The following NEK2 variants were observed in gnomAD, a reference collection of about 807,000 sequenced individuals.
NEK2 encodes the protein serine/threonine-protein kinase Nek2.
Under a neutral mutation model 54.1 loss-of-function variants are expected in NEK2, and 28 were observed. The observed-to-expected ratio is 0.52, with a 90% CI of 0.38 to 0.71. The LOEUF is 0.71. Ranked by LOEUF, NEK2 falls within the 30% of genes least tolerant of loss-of-function variation. The pLI is 0.00. For missense variants in NEK2, 407 were observed against 531.5 expected (o/e 0.77, Z 2.30); for synonymous variants, 176 against 193.1 (o/e 0.91, Z 0.73).
At position 211,675,470 on chromosome 1, in the gene NEK2, G is replaced by C; in HGVS notation, c.10C>G (p.Arg4Gly). The change falls in exon 1 of 8, where the codon CGG (arginine) becomes GGG (glycine). Residue 4 changes from arginine (R) to glycine (G), a missense_variant. Coordinates refer to ENST00000366999, the MANE Select transcript of NEK2 (RefSeq NM_002497.4). ...TACAACACTTCATAGTCCTCAGCCC[G>C]GGAAGGCATGGCCGGCCAGTCGCCA... MPS[R>G]AEDYEVLYTI... 1 of 1,612,936 alleles carries C rather than the reference G, an allele frequency of 6.2e-7. No homozygotes were observed. The highest frequency in any genetic ancestry group is 8.5e-7 in the Non-Finnish European group (1 of 1,179,578).
rs779409309 is a variant in NEK2, at chr1:211,663,645, A to G, written c.1119T>C (p.Leu373=). The G allele has an allele frequency of 7.4e-6, 12 of 1,613,390 alleles. No homozygotes were observed. The highest frequency in any genetic ancestry group is 8.5e-6 in the Non-Finnish European group (10 of 1,179,724). ...TCTTAATTACTGAGGATGGAAGATTAAGAAGTTCTTTAGAAGGAAAAAGAA... is the reference window on the plus strand; with the variant it reads ...TCTTAATTACTGAGGATGGAAGATTGAGAAGTTCTTTAGAAGGAAAAAGAA... The part of the protein sequence containing the change: ...FLSLASNPEL[L]NLPSSVIKKK... The change falls in exon 8 of 8, where the codon CTT becomes CTC. Residue 373 remains leucine (L), a synonymous_variant. Transcript: ENST00000366999.
downstream of NEK2, chr1:211,660,726 G>T (rs542514159): frequency 2.9e-6 from 2 of 679,982 alleles, no homozygotes; most frequent in South Asian, 2.9e-5. Context: ...GGGGTGCTGT[G>T]ATGGGGTCCA....
Position 211,671,182 on chromosome 1 carries a change from T to C in NEK2, c.638+20A>G, listed in dbSNP as rs1277978047. 1 of 1,582,866 alleles carries C rather than the reference T, an allele frequency of 6.3e-7. No homozygotes were observed. The highest frequency in any genetic ancestry group is 8.7e-7 in the Non-Finnish European group (1 of 1,152,476). ...AACAGTACAAACCTTAGACTAGGAA[T>C]CTGTCTTCATCATACTTACATTAAT... On this transcript the variant is annotated intron_variant, in intron 4 of 7. Coordinates refer to ENST00000366999, the MANE Select transcript of NEK2 (RefSeq NM_002497.4).
At chr1:211,669,644 T>A (rs1655302391) in intron 5 of NEK2, 3 of 338,480 alleles carry the variant, frequency 8.9e-6, no homozygotes, top group Non-Finnish European at 1.6e-5. Context: ...GGGTCTGTTT[T>A]AGGGGAAGTA....
Position 211,675,568 on chromosome 1 carries a change from A to G in NEK2, c.-89T>C. 1 of 1,093,918 alleles carries G rather than the reference A, an allele frequency of 9.1e-7. No individual in the cohort carries two copies. The highest frequency in any genetic ancestry group is 1.4e-6 in the Non-Finnish European group (1 of 721,588). The allele number at this position is 1,093,918 out of a possible 1,614,324, so 67.8% of individuals were successfully genotyped here. On this transcript the variant is annotated 5_prime_UTR_variant, in exon 1 of 8. Transcript: ENST00000366999. ...GGGACCAGGAACTCCAGGGACCTGG[A>G]TGGAGAAGCCCCCGAGCAGCACTGA...
chr1:211,663,053 C>T lies in NEK2; in HGVS notation c.*373G>A, dbSNP rs1355323428. 9.9e-7 allele frequency: 1 copy of T among 1,008,110 alleles called. No individual in the cohort carries two copies. Among genetic ancestry groups the T allele is most frequent in the Non-Finnish European group, 1.2e-6 (1 of 843,010 alleles). The allele number at this position is 1,008,110 out of a possible 1,614,324, so 62.4% of individuals were successfully genotyped here. ...AGACATGACAATTGTAAGCATACCA[C>T]TCAGTCATTTAAAACTATTCAGTGA... On this transcript the variant is annotated 3_prime_UTR_variant, in exon 8 of 8. Coordinates refer to ENST00000366999, the MANE Select transcript of NEK2 (RefSeq NM_002497.4).
At chr1:211,671,081 G>A in intron 4 of NEK2, 121 bp downstream of exon 4, 1 of 730,188 alleles carries the variant, frequency 1.4e-6, no homozygotes, top group Non-Finnish European at 2.4e-6. Context: ...TTTTACCCAG[G>A]GTACAATTCT....
rs1369332808 is a variant in NEK2 at position 211,667,106 on chromosome 1, CT to C, written c.1110del (p.Glu371AsnfsTer9). The stretch of plus-strand genomic sequence containing the variant: ...CTGTTGACCAAGTTGATTCTCATAC[CT>C]GGATTACTTGCCAGAGACAGGAACT... ...ERKFLSLASN[P>X]ELLNLPSSVI... On this transcript the variant is annotated frameshift_variant and splice_region_variant, in exon 7 of 8. Coordinates refer to ENST00000366999, the MANE Select transcript of NEK2 (RefSeq NM_002497.4). LOFTEE classifies it high-confidence loss of function. 4 of 1,613,664 alleles carry C rather than the reference CT, an allele frequency of 2.5e-6. No individual in the cohort carries two copies. The highest frequency in any genetic ancestry group is 8.5e-7 in the Non-Finnish European group (1 of 1,179,920).
At chr1:211,659,966 C>A (rs1654975513), downstream of NEK2, among the ~76,000 whole-genome samples, 2 of 152,234 alleles carry the variant, frequency 1.3e-5, no homozygotes, top group Admixed American at 6.5e-5. Context: ...GGACCACAGG[C>A]ACACGCCACA....
At chr1:211,664,441 A>G (rs1655113340) in intron 7 of NEK2, among the ~76,000 whole-genome samples, 1 of 152,188 alleles carries the variant, frequency 6.6e-6, no homozygotes, top group South Asian at 2.1e-4. Context: ...GAGATAAACC[A>G]AACACAAACA....
intron 3 of NEK2, among the ~76,000 whole-genome samples, chr1:211,673,251 A>G (rs2102446860): frequency 6.6e-6 from 1 of 152,078 alleles, no homozygotes. Context: ...TCTACTAAAC[A>G]TACAAAAATT....
chr1:211,666,174 G>A (rs925082510), intron 7 of NEK2, among the ~76,000 whole-genome samples: 1 of 152,148 alleles, frequency 6.6e-6, no homozygotes, highest in Non-Finnish European at 1.5e-5. Flanking sequence ...ACATCTCAGT[G>A]CGGCAGAGTG....
downstream of NEK2, among the ~76,000 whole-genome samples, chr1:211,659,356 T>A (rs925573477): frequency 6.6e-6 from 1 of 152,234 alleles, no homozygotes; most frequent in Admixed American, 6.5e-5. Context: ...TCTTGCATCA[T>A]GAGGAATAGC....
At chr1:211,661,582 T>C (rs1185623590), downstream of NEK2, among the ~76,000 whole-genome samples, 3 of 152,208 alleles carry the variant, frequency 2.0e-5, no homozygotes, top group South Asian at 2.1e-4. Flanking sequence ...GCATGAATCA[T>C]GTATAGTTGA....
At chr1:211,660,822 C>T (rs541046391), downstream of NEK2, 5 of 706,018 alleles carry the variant, frequency 7.1e-6, no homozygotes, top group African/African-American at 7.0e-5. Flanking sequence ...AACAACAGAG[C>T]TTCAGCAGGC....
intron 7 of NEK2, among the ~76,000 whole-genome samples, chr1:211,665,992 G>A (rs1013666435): frequency 6.6e-6 from 1 of 152,198 alleles, no homozygotes; most frequent in Non-Finnish European, 1.5e-5. Flanking sequence ...AAATTCAGAT[G>A]CTCGATTTTT....
Position 211,673,577 on chromosome 1 carries a change from T to G in NEK2, c.461A>C (p.Asn154Thr), listed in dbSNP as rs1183594225. The G allele has an allele frequency of 1.9e-6, 3 of 1,613,982 alleles. No individual in the cohort carries two copies. Among genetic ancestry groups the G allele is most frequent in the Admixed American group, 1.7e-5 (1 of 59,996 alleles). ...TAGCCCAAAGTCTCCAAGCTTGACG[T>G]TTTGCTTGCCATCCAGGAAAACATT... ...PANVFLDGKQ[N>T]VKLGDFGLAR... Residue 154 changes from asparagine (N) to threonine (T), a missense_variant, in exon 3 of 8, where the codon AAC becomes ACC. Asn to Thr is a moderately conservative substitution (Grantham distance 65). Coordinates refer to ENST00000366999, the MANE Select transcript of NEK2 (RefSeq NM_002497.4).
chr1:211,661,510 C>A (rs900643565), downstream of NEK2, among the ~76,000 whole-genome samples: 2 of 152,170 alleles, frequency 1.3e-5, no homozygotes, highest in African/African-American at 4.8e-5. Context: ...CAAAGTGCAG[C>A]AAATCTTCAA....
downstream of NEK2, chr1:211,661,016 C>A: frequency 1.3e-6 from 1 of 741,196 alleles, no homozygotes. Flanking sequence ...TGGAAACTAT[C>A]AGCATCCTGT....
Sources: allele counts gnomAD v4.1 joint callset (sites outside exome capture counted in the v4.1 genomes callset), GRCh38; gene constraint gnomAD v4.1.1; transcripts MANE v1.5; gene names NCBI Gene and HGNC (gene_info 2026-07-23, HGNC 2026-07-21).